NBAS: variants seen among roughly 807,000 people sequenced by gnomAD.
NBAS encodes NBAS subunit of NRZ tethering complex.
In NBAS, 219 loss-of-function variants were observed where a neutral mutation model predicts 302.5. The ratio of observed to expected loss-of-function variants is 0.72; its 90% confidence interval spans 0.65 to 0.81. The LOEUF is 0.81. Among genes scored for constraint, NBAS ranks in the 30% least tolerant of loss-of-function variants. The pLI is 0.00. For missense variants in NBAS, 2,932 were observed against 2,841.6 expected (o/e 1.03, Z -0.72); for synonymous variants, 1,118 against 1,021.6 (o/e 1.09, Z -1.80).
chr2:14,951,069 C>T, the NBAS span, among the ~76,000 whole-genome samples: 2 of 152,176 alleles, frequency 1.3e-5, no homozygotes, highest in African/African-American at 4.8e-5. Context: ...AGCATCTACC[C>T]TCCACAGAGT....
intron 16 of NBAS, among the ~76,000 whole-genome samples, chr2:15,469,432 T>C (rs1230278088): frequency 1.3e-5 from 2 of 152,146 alleles, no homozygotes; most frequent in African/African-American, 4.8e-5. Flanking sequence ...AGTGTGGCGA[T>C]TCCTCAAGGA....
chr2:15,417,346 A>G (rs1053637506), intron 24 of NBAS, among the ~76,000 whole-genome samples, 181 bp downstream of exon 24: 3 of 152,324 alleles, frequency 2.0e-5, no homozygotes, highest in African/African-American at 7.2e-5. Flanking sequence ...AAACACAACC[A>G]AAATAGTTTT....
chr2:15,315,788 A>C (rs1671480903), intron 38 of NBAS, among the ~76,000 whole-genome samples: 1 of 152,196 alleles, frequency 6.6e-6, no homozygotes, highest in Non-Finnish European at 1.5e-5. Flanking sequence ...ATTAATCTCT[A>C]TAATGTGCCT....
At chr2:15,293,060 C>T (rs1670384151) in intron 40 of NBAS, among the ~76,000 whole-genome samples, 1 of 152,176 alleles carries the variant, frequency 6.6e-6, no homozygotes. Context: ...TATATTCTTG[C>T]TCTTTCAACT....
At chr2:15,340,332 G>A (rs567301259) in intron 35 of NBAS, among the ~76,000 whole-genome samples, 1 of 152,244 alleles carries the variant, frequency 6.6e-6, no homozygotes, top group South Asian at 2.1e-4. Flanking sequence ...TCCCAAAGAG[G>A]AGGAGAAGAA....
In NBAS at chr2:15,218,783, G is replaced by C; in HGVS notation, c.6422C>G (p.Pro2141Arg). 6.2e-7 allele frequency: 1 copy of C among 1,614,194 alleles called. No individual in the cohort carries two copies. The highest frequency in any genetic ancestry group is 8.5e-7 in the Non-Finnish European group (1 of 1,180,036). Residue 2141 changes from proline (P) to arginine (R), a missense_variant, in exon 48 of 52, where the codon CCC (proline) becomes CGC (arginine). Physicochemically the swap from Pro to Arg is moderately radical, Grantham distance 103. Coordinates refer to ENST00000281513, the MANE Select transcript of NBAS (RefSeq NM_015909.4). ...CAGACACTCCCTTACCTGTCTCTGGGGCCAGGAGGCTTTGAGAATGGCTTC... is the reference window on the plus strand; with the variant it reads ...CAGACACTCCCTTACCTGTCTCTGGCGCCAGGAGGCTTTGAGAATGGCTTC... ...RTEAILKASW[P>R]QRQVDIADIE...
intron 8 of NBAS, 112 bp from the exon 9 acceptor site, chr2:15,534,753 G>A: frequency 1.2e-6 from 1 of 854,102 alleles, no homozygotes; most frequent in South Asian, 1.4e-5. Context: ...AAATATTGCT[G>A]AGGATATAAA....
chr2:15,489,337 A>C (rs1680761227), intron 11 of NBAS, among the ~76,000 whole-genome samples: 2 of 152,168 alleles, frequency 1.3e-5, no homozygotes, highest in South Asian at 4.1e-4. Flanking sequence ...ATGAATTCTC[A>C]ATACCTTTTA....
the NBAS span, among the ~76,000 whole-genome samples, chr2:14,877,013 T>G: frequency 4.6e-5 from 7 of 152,202 alleles, no homozygotes; most frequent in African/African-American, 1.7e-4. Context: ...CAGTGACACT[T>G]GCCCCCTCTA....
At chr2:15,055,500 TG>T in the NBAS span, among the ~76,000 whole-genome samples, 1 of 151,416 alleles carries the variant, frequency 6.6e-6, no homozygotes, top group African/African-American at 2.4e-5. Context: ...CTTCTCCAGC[TG>T]GGGGGCGGGG....
chr2:14,832,382 GGAA>G, the NBAS span, among the ~76,000 whole-genome samples: 5 of 152,260 alleles, frequency 3.3e-5, no homozygotes, highest in African/African-American at 1.2e-4. Context: ...GTAAGGAATG[GGAA>G]GAAGTAGAAG....
At chr2:15,325,724 G>A (rs1672033102) in intron 38 of NBAS, among the ~76,000 whole-genome samples, 3 of 152,146 alleles carry the variant, frequency 2.0e-5, no homozygotes. Flanking sequence ...CTTATCATCT[G>A]CGTGTTCACT....
At chr2:15,222,553 T>C (rs1666991132) in intron 47 of NBAS, among the ~76,000 whole-genome samples, 1 of 152,240 alleles carries the variant, frequency 6.6e-6, no homozygotes, top group African/African-American at 2.4e-5. Flanking sequence ...CCATGAATTA[T>C]ATCACTTCAT....
At chr2:15,248,361 A>G (rs1277467807) in intron 44 of NBAS, among the ~76,000 whole-genome samples, 3 of 152,228 alleles carry the variant, frequency 2.0e-5, no homozygotes, top group South Asian at 2.1e-4. Context: ...AGAAACACCT[A>G]AAGTTGACAC....
the NBAS span, among the ~76,000 whole-genome samples, chr2:15,119,085 C>T: frequency 3.9e-5 from 6 of 152,000 alleles, no homozygotes; most frequent in African/African-American, 1.4e-4. Context: ...AGAACCATCC[C>T]AGAAAGTAGA....
rs1171671063 is a variant in NBAS, at chr2:15,379,869, G to A, written c.3361-38C>T. The A allele has an allele frequency of 1.9e-6, 3 of 1,557,058 alleles. No individual in the cohort carries two copies. The African/African-American group carries it at 4.1e-5, about 21-fold the overall frequency. On this transcript the variant is annotated intron_variant, in intron 29 of 51. Coordinates refer to ENST00000281513, the MANE Select transcript of NBAS (RefSeq NM_015909.4). Reference sequence around the variant, plus strand: ...AGAAACTGGAATTAGTTATAGAGAGGGAAGATTCAGTTCTCAGTGAAATGA... The same window carrying A: ...AGAAACTGGAATTAGTTATAGAGAGAGAAGATTCAGTTCTCAGTGAAATGA...
chr2:14,816,138 G>C, the NBAS span, among the ~76,000 whole-genome samples: 49 of 152,240 alleles, frequency 3.2e-4, no homozygotes, highest in Non-Finnish European at 1.8e-4. Flanking sequence ...AGACATGGAA[G>C]CCCAAACTCC....
At chr2:15,516,894 A>G (rs538276473) in intron 9 of NBAS, among the ~76,000 whole-genome samples, 2 of 152,296 alleles carry the variant, frequency 1.3e-5, no homozygotes, top group South Asian at 4.1e-4. Flanking sequence ...CCAATAATGC[A>G]GATTAAAACA....
At chr2:15,446,007 T>G (rs1409500323) in intron 21 of NBAS, among the ~76,000 whole-genome samples, 1 of 146,542 alleles carries the variant, frequency 6.8e-6, no homozygotes, top group Non-Finnish European at 1.5e-5. Context: ...CAAAATAAAA[T>G]CAGTATAAAA....
Sources: gnomAD v4.1 joint callset for allele counts (sites outside exome capture counted in the v4.1 genomes callset) on GRCh38, gnomAD v4.1.1 for gene constraint, MANE v1.5 for transcripts, NCBI Gene and HGNC (gene_info 2026-07-23, HGNC 2026-07-21) for gene names.